DNAI7: variants seen among roughly 807,000 people sequenced by gnomAD.
The protein encoded by DNAI7 is cancer susceptibility 1.
DNAI7 carries 78 observed loss-of-function variants against 86.6 expected under a neutral mutation model. That is an observed-to-expected ratio of 0.90 (90% CI 0.75 to 1.09). The LOEUF (loss-of-function observed/expected upper bound fraction) is 1.09, where lower values mean the gene tolerates loss of function less well. Among genes scored for constraint, DNAI7 ranks in the 50% least tolerant of loss-of-function variants. The pLI is 0.00. For synonymous variants in DNAI7, 274 were observed against 273.0 expected, an observed-to-expected ratio of 1.00 and a Z score of -0.04; for missense variants, 753 against 810.2, an observed-to-expected ratio of 0.93 and a Z score of 0.86.
At chr12:25,110,831 T>C (rs1938668412) in intron 14 of DNAI7, among the ~76,000 whole-genome samples, 1 of 152,176 alleles carries the variant, frequency 6.6e-6, no homozygotes, top group Non-Finnish European at 1.5e-5. Context: ...TTCCTTCGAC[T>C]GTGAAAGAAA....
At chr12:25,194,066 C>G (rs1273401511) in intron 1 of DNAI7, among the ~76,000 whole-genome samples, 2 of 152,032 alleles carry the variant, frequency 1.3e-5, no homozygotes, top group East Asian at 3.9e-4. Flanking sequence ...GTGATCTGCC[C>G]GCCTCGGCCT....
intron 7 of DNAI7, among the ~76,000 whole-genome samples, chr12:25,147,483 C>CCACA (rs1945018313): frequency 6.7e-6 from 1 of 150,124 alleles, no homozygotes; most frequent in African/African-American, 2.4e-5. Context: ...GAGACCACCC[C>CCACA]CATCTCTACA....
chr12:25,185,969 T>C (rs962979351), intron 2 of DNAI7, among the ~76,000 whole-genome samples: 1 of 152,210 alleles, frequency 6.6e-6, no homozygotes, highest in Non-Finnish European at 1.5e-5. Flanking sequence ...TAAACAGTAA[T>C]TTGAACATCA....
At chr12:25,108,228 A>G (rs1454436130), downstream of DNAI7, 3 of 693,930 alleles carry the variant, frequency 4.3e-6, no homozygotes, top group Non-Finnish European at 7.0e-6. Flanking sequence ...CAACTAAAAT[A>G]CAATGGGGAA....
chr12:25,144,831 T>G (rs1404045353), intron 8 of DNAI7, among the ~76,000 whole-genome samples, 154 bp from the exon 9 acceptor site: 1 of 152,174 alleles, frequency 6.6e-6, no homozygotes, highest in Non-Finnish European at 1.5e-5. Context: ...TTGGACCCAG[T>G]TGCTGATGCT....
intron 2 of DNAI7, among the ~76,000 whole-genome samples, chr12:25,189,734 G>A: frequency 6.6e-6 from 1 of 152,092 alleles, no homozygotes; most frequent in East Asian, 1.9e-4. Context: ...AGTGACATTT[G>A]AGATATGCCT....
chr12:25,144,372 A>C lies in DNAI7; in HGVS notation c.995T>G (p.Val332Gly). ...TATTTAAATGTGTCCTACCATTTTCACTTCAATATCACCTTGTTCCTCCTC... is the reference window on the plus strand; with the variant it reads ...TATTTAAATGTGTCCTACCATTTTCCCTTCAATATCACCTTGTTCCTCCTC... ...KVEEEQGDIE[V>G]KMSSAEEESE... The change falls in exon 9 of 16, where the codon GTG (valine) becomes GGG (glycine). Residue 332 changes from valine (V) to glycine (G), a missense_variant. Coordinates refer to ENST00000395987, the MANE Select transcript of DNAI7 (RefSeq NM_018272.5). 6.2e-7 allele frequency: 1 copy of C among 1,611,320 alleles called. No homozygotes were observed. Among genetic ancestry groups the C allele is most frequent in the Non-Finnish European group, 8.5e-7 (1 of 1,178,128 alleles).
chr12:25,191,183 C>A (rs1377764023), intron 1 of DNAI7, among the ~76,000 whole-genome samples: 1 of 152,108 alleles, frequency 6.6e-6, no homozygotes, highest in Non-Finnish European at 1.5e-5. Flanking sequence ...GAGGCCAAGG[C>A]GGGAGGATCA....
intron 15 of DNAI7, 143 bp downstream of exon 15, chr12:25,109,984 T>C: frequency 1.7e-6 from 1 of 582,192 alleles, no homozygotes. Flanking sequence ...GGCCCAAAAT[T>C]TGAAATTTTA....
intron 3 of DNAI7, among the ~76,000 whole-genome samples, chr12:25,159,347 T>G (rs1181037727): frequency 6.6e-6 from 1 of 151,842 alleles, no homozygotes; most frequent in African/African-American, 2.4e-5. Context: ...GATAGCTTCT[T>G]ATCAAGAGTA....
At chr12:25,170,218 C>T (rs969118389) in intron 2 of DNAI7, among the ~76,000 whole-genome samples, 5 of 151,970 alleles carry the variant, frequency 3.3e-5, no homozygotes, top group African/African-American at 1.2e-4. Context: ...TGGTGAAACT[C>T]TGTCTCTACT....
At chr12:25,131,165 C>CA (rs11368564) in intron 9 of DNAI7, among the ~76,000 whole-genome samples, 84,613 of 147,158 alleles carry the variant, frequency 0.57, 25,231 homozygotes, top group African/African-American at 0.74. Context: ...TACCCCCAAC[C>CA]AAAAAAAAAA....
At chr12:25,128,696 A>C (rs775690235) in intron 9 of DNAI7, among the ~76,000 whole-genome samples, 3 of 152,226 alleles carry the variant, frequency 2.0e-5, no homozygotes, top group Non-Finnish European at 2.9e-5. Flanking sequence ...ATAAAAACTC[A>C]GTAAGATATA....
downstream of DNAI7, chr12:25,107,910 GTTTGCAGC>G: frequency 6.2e-7 from 1 of 1,614,180 alleles, no homozygotes; most frequent in Non-Finnish European, 8.5e-7. Context: ...TCATTGTACT[GTTTGCAGC>G]TTTGATGAGC....
At chr12:25,114,591 T>C (rs1456062252) in intron 13 of DNAI7, 65 bp downstream of exon 13, 3 of 1,059,830 alleles carry the variant, frequency 2.8e-6, no homozygotes, top group East Asian at 2.4e-5. Context: ...TTTGACAAAC[T>C]AGTATTCCAT....
intron 3 of DNAI7, among the ~76,000 whole-genome samples, chr12:25,160,739 G>GA (rs1453304476): frequency 6.6e-6 from 1 of 152,102 alleles, no homozygotes; most frequent in Non-Finnish European, 1.5e-5. Flanking sequence ...GAAATAAAAA[G>GA]AAAATTTTAT....
chr12:25,155,743 C>A (rs1946081086), intron 4 of DNAI7, among the ~76,000 whole-genome samples: 1 of 152,176 alleles, frequency 6.6e-6, no homozygotes, highest in Non-Finnish European at 1.5e-5. Context: ...TGTCTTAGCA[C>A]AGATCAGACA....
At chr12:25,152,438 T>C (rs1223491577) in intron 6 of DNAI7, among the ~76,000 whole-genome samples, 7 of 152,248 alleles carry the variant, frequency 4.6e-5, no homozygotes, top group East Asian at 1.9e-4. Flanking sequence ...AACTTTCCGG[T>C]TGGTGAACAC....
chr12:25,110,250 T>C lies in DNAI7; in HGVS notation c.1780-10A>G, dbSNP rs1037158966. On this transcript the variant is annotated splice_polypyrimidine_tract_variant and intron_variant, in intron 14 of 15. Transcript: ENST00000395987. ...CTTCTACCAAAGGAACCTGTCAATA[T>C]AAAAACAAATAGAATTGATCTTTGA... 1 of 1,441,268 alleles carries C rather than the reference T, an allele frequency of 6.9e-7. No homozygotes were observed. Among genetic ancestry groups the C allele is most frequent in the African/African-American group, 1.4e-5 (1 of 71,240 alleles). 89.3% of individuals were successfully genotyped at this position (1,441,268 alleles called of 1,614,324 possible). A position where few individuals can be genotyped will look rare whatever the true frequency, so the allele number is the denominator to read the frequency against.
Sources: allele counts gnomAD v4.1 joint callset (sites outside exome capture counted in the v4.1 genomes callset), GRCh38; gene constraint gnomAD v4.1.1; transcripts MANE v1.5; gene names NCBI Gene and HGNC (gene_info 2026-07-23, HGNC 2026-07-21).